Variants in SNHG17 observed in about 807,000 individuals in gnomAD.
SNHG17 encodes small nucleolar RNA host gene 17 (non-protein coding).
rs1047488770 is a variant in SNHG17, at chr20:38,433,102, G to C, written n.308+1402C>G. Among the ~76,000 whole-genome samples the C allele has an allele frequency of 2.6e-5, 4 of 152,218 alleles. No homozygotes were observed. In the East Asian group the frequency reaches 7.8e-4, roughly 29 times the overall value. On this transcript the variant is annotated intron_variant and non_coding_transcript_variant, in intron 2 of 8. Coordinates refer to ENST00000654008, the Ensembl canonical transcript of SNHG17. ...ATTCTGGTGTGCCTCAGCCTCCTGA[G>C]TAGCTGGAATTATAGGCGTGTGCCA...
intron 3 of SNHG17, among the ~76,000 whole-genome samples, chr20:38,429,511 C>T (rs1255575882): frequency 1.3e-5 from 2 of 152,146 alleles, no homozygotes; most frequent in Non-Finnish European, 2.9e-5. Context: ...TATCTCAGCT[C>T]CACACCCAGC....
At position 38,426,989 on chromosome 20, in the gene SNHG17, T is replaced by TACACACAC. The variant is rs764575761; in HGVS notation, n.381-487_381-486insGTGTGTGT. ...ATGCTACCCTATCCTGTCCCCAAGT[T>TACACACAC]ACACATACACACACACACACACACA... On this transcript the variant is annotated intron_variant and non_coding_transcript_variant, in intron 3 of 8. Coordinates refer to ENST00000654008, the Ensembl canonical transcript of SNHG17. Among the ~76,000 whole-genome samples the TACACACAC allele has an allele frequency of 5.3e-5, 6 of 112,752 alleles. 1 individual carries two copies. Among genetic ancestry groups the TACACACAC allele is most frequent in the African/African-American group, 2.0e-4 (4 of 20,490 alleles). 74.0% of individuals were successfully genotyped at this position (112,752 alleles called of 152,430 possible). A position where few individuals can be genotyped will look rare whatever the true frequency, so the allele number is the denominator to read the frequency against.
Position 38,427,236 on chromosome 20 carries a change from C to G in SNHG17, n.381-733G>C, listed in dbSNP as rs544131904. On this transcript the variant is annotated intron_variant and non_coding_transcript_variant, in intron 3 of 8. Coordinates refer to ENST00000654008, the Ensembl canonical transcript of SNHG17. ...GAGAAAGACTTAAGCATGATGCCCC[C>G]CCGCACTGACTTTCATGTGGCAGCC... 1.1e-3 allele frequency: 474 copies of G among 414,632 alleles called. 2 individuals carry two copies. Among genetic ancestry groups the G allele is most frequent in the South Asian group, 2.1e-3 (113 of 55,030 alleles). 25.7% of individuals were successfully genotyped at this position (414,632 alleles called of 1,614,324 possible).
chr20:38,423,197 G>A (rs2084187835), intron 5 of SNHG17, among the ~76,000 whole-genome samples: 1 of 151,084 alleles, frequency 6.6e-6, no homozygotes, highest in Admixed American at 6.6e-5. Context: ...AGGAGTTGGA[G>A]ACCAGCCTGG....
chr20:38,429,735 G>A (rs753880557), intron 3 of SNHG17: 8 of 515,160 alleles, frequency 1.6e-5, no homozygotes, highest in East Asian at 5.6e-5. Flanking sequence ...AAGTGCTCTC[G>A]GCAGTTCCTC....
At chr20:38,432,218 C>T (rs1182148612) in intron 2 of SNHG17, 17 of 955,854 alleles carry the variant, frequency 1.8e-5, no homozygotes, top group Middle Eastern at 5.4e-4. Flanking sequence ...CAGTGGTCTA[C>T]GGTCTCAGCA....
chr20:38,428,241 G>GCCT (rs994938617), intron 3 of SNHG17: 1 of 152,212 alleles, frequency 6.6e-6, no homozygotes, highest in African/African-American at 2.4e-5. Flanking sequence ...CCCTGCAGGG[G>GCCT]CCTCCTCCTC....
chr20:38,427,531 G>A (rs1481283326), intron 3 of SNHG17: 4 of 361,248 alleles, frequency 1.1e-5, no homozygotes, highest in Non-Finnish European at 2.2e-5. Context: ...CAAGACTCCT[G>A]CAGCTGCCAT....
intron 6 of SNHG17, chr20:38,422,000 A>G (rs994603376): frequency 1.3e-5 from 2 of 152,424 alleles, no homozygotes; most frequent in African/African-American, 4.8e-5. Context: ...ACACCCTGAA[A>G]GAAAAACTCA....
intron 3 of SNHG17, chr20:38,427,998 T>C (rs2122707461): frequency 6.6e-6 from 1 of 152,226 alleles, no homozygotes; most frequent in East Asian, 1.9e-4. Flanking sequence ...GAGGGGAGAA[T>C]GGGTTCCATG....
chr20:38,421,817 G>C (rs1568852513), intron 6 of SNHG17: 1 of 152,726 alleles, frequency 6.5e-6, no homozygotes, highest in African/African-American at 2.4e-5. Flanking sequence ...AGGGAGGCTG[G>C]TGTCAAGGGC....
intron 3 of SNHG17, among the ~76,000 whole-genome samples, chr20:38,430,195 C>T (rs1177265006): frequency 6.6e-6 from 1 of 152,158 alleles, no homozygotes; most frequent in Non-Finnish European, 1.5e-5. Context: ...GTGGCAGGCA[C>T]CTGTAATCCC....
At chr20:38,427,462 C>G (rs773434416) in intron 3 of SNHG17, 1 of 509,592 alleles carries the variant, frequency 2.0e-6, no homozygotes, top group Non-Finnish European at 3.9e-6. Flanking sequence ...GACAGGAGAG[C>G]CAGGAAGGGC....
chr20:38,427,500 T>A, intron 3 of SNHG17: 1 of 474,232 alleles, frequency 2.1e-6, no homozygotes, highest in Non-Finnish European at 4.2e-6. Flanking sequence ...GCCTGTGGGA[T>A]GACCCAAGTC....
chr20:38,433,839 G>A (rs780332635), intron 2 of SNHG17: 5 of 519,210 alleles, frequency 9.6e-6, no homozygotes, highest in South Asian at 4.2e-5. Flanking sequence ...GTGCCAGGAG[G>A]CATTTGAAAG....
chr20:38,435,066 GCTCA>G (rs1255790547), intron 1 of SNHG17: 56 of 1,231,944 alleles, frequency 4.5e-5, no homozygotes, highest in Middle Eastern at 3.1e-4. Context: ...ATCCTGGGGG[GCTCA>G]CTCCGGCAAA....
intron 3 of SNHG17, chr20:38,428,919 C>T (rs183611419): frequency 6.6e-6 from 1 of 152,360 alleles, no homozygotes; most frequent in Admixed American, 6.5e-5. Flanking sequence ...AGGCCAAGGC[C>T]AACAGAAATG....
intron 2 of SNHG17, among the ~76,000 whole-genome samples, chr20:38,433,209 C>T (rs896623594): frequency 4.6e-5 from 7 of 152,204 alleles, no homozygotes; most frequent in Middle Eastern, 3.4e-3. Flanking sequence ...CTCCTGGCCT[C>T]AAGTGATCCA....
chr20:38,428,492 A>G (rs1600762209), intron 3 of SNHG17: 1 of 152,180 alleles, frequency 6.6e-6, no homozygotes, highest in Admixed American at 6.5e-5. Flanking sequence ...CTCCTGCAAC[A>G]CCTCTCACTA....
Sources: allele counts gnomAD v4.1 joint callset (sites outside exome capture counted in the v4.1 genomes callset), GRCh38; gene constraint gnomAD v4.1.1; transcripts MANE v1.5; gene names NCBI Gene and HGNC (gene_info 2026-07-23, HGNC 2026-07-21).